Variants in CDH13 observed in about 807,000 individuals in gnomAD.
CDH13 encodes the protein cadherin-13.
CDH13 carries 24 observed loss-of-function variants against 63.8 expected under a neutral mutation model. The ratio of observed to expected loss-of-function variants is 0.38; its 90% CI spans 0.27 to 0.53. The LOEUF (loss-of-function observed/expected upper bound fraction) is 0.53. Among genes scored for constraint, CDH13 ranks in the 20% least tolerant of loss-of-function variants. CDH13 has a pLI of 0.85. For synonymous variants in CDH13, 503 were observed against 355.3 expected, an observed-to-expected ratio of 1.42 and a Z score of -4.67; for missense variants, 1,049 against 903.1, an observed-to-expected ratio of 1.16 and a Z score of -2.07.
At chr16:83,576,729 T>C (rs1905110506) in intron 7 of CDH13, among the ~76,000 whole-genome samples, 1 of 152,236 alleles carries the variant, frequency 6.6e-6, no homozygotes, top group African/African-American at 2.4e-5. Flanking sequence ...TGCCATCTCA[T>C]AGTTTTGACT....
intron 6 of CDH13, among the ~76,000 whole-genome samples, chr16:83,473,398 C>G (rs2073514075): frequency 6.6e-6 from 1 of 152,204 alleles, no homozygotes; most frequent in Admixed American, 6.5e-5. Flanking sequence ...AACACGGAGT[C>G]TGAATTGTGT....
chr16:83,608,656 T>C (rs908725514), intron 8 of CDH13, among the ~76,000 whole-genome samples: 9 of 145,348 alleles, frequency 6.2e-5, no homozygotes, highest in African/African-American at 2.4e-4. Context: ...TGGCTAATTT[T>C]TGTATTTTTT....
At chr16:83,109,980 T>C (rs1008618377) in intron 3 of CDH13, among the ~76,000 whole-genome samples, 3 of 152,238 alleles carry the variant, frequency 2.0e-5, no homozygotes, top group Non-Finnish European at 4.4e-5. Context: ...GAAGTGTGGT[T>C]TGGCAAATTT....
At chr16:83,593,350 C>T in intron 7 of CDH13, among the ~76,000 whole-genome samples, 1 of 152,152 alleles carries the variant, frequency 6.6e-6, no homozygotes, top group East Asian at 1.9e-4. Context: ...ACTCCTAGAG[C>T]AGCATGTGTG....
chr16:82,984,205 T>C (rs1297057884), intron 2 of CDH13, among the ~76,000 whole-genome samples: 2 of 152,236 alleles, frequency 1.3e-5, no homozygotes, highest in East Asian at 3.8e-4. Context: ...TAAAACCTTC[T>C]TTCCCTTGCA....
chr16:82,760,534 T>G (rs2034794949), intron 1 of CDH13, among the ~76,000 whole-genome samples: 11 of 152,172 alleles, frequency 7.2e-5, no homozygotes, highest in Admixed American at 7.2e-4. Flanking sequence ...TTTACAAAAA[T>G]GTACCAGTTA....
intron 2 of CDH13, among the ~76,000 whole-genome samples, chr16:82,866,702 C>G (rs2040160119): frequency 6.6e-6 from 1 of 152,034 alleles, no homozygotes; most frequent in African/African-American, 2.4e-5. Context: ...GTTCAGCATG[C>G]CTGGGGAGGC....
chr16:82,818,245 G>C (rs560212698), intron 1 of CDH13, among the ~76,000 whole-genome samples: 1 of 152,048 alleles, frequency 6.6e-6, no homozygotes, highest in African/African-American at 2.4e-5. Context: ...ACGTAGATGA[G>C]GAATTTGAGT....
intron 1 of CDH13, among the ~76,000 whole-genome samples, chr16:82,743,754 C>G (rs1410139052): frequency 6.6e-6 from 1 of 152,036 alleles, no homozygotes; most frequent in East Asian, 1.9e-4. Flanking sequence ...ACATTCCTGT[C>G]CAGAGATAGT....
chr16:83,599,085 G>A (rs1907538842), intron 7 of CDH13, among the ~76,000 whole-genome samples: 1 of 152,196 alleles, frequency 6.6e-6, no homozygotes, highest in Admixed American at 6.5e-5. Flanking sequence ...TACTGAGGGT[G>A]AGGAAGGGGT....
chr16:82,729,870 G>A (rs1331979957), intron 1 of CDH13, among the ~76,000 whole-genome samples: 1 of 152,166 alleles, frequency 6.6e-6, no homozygotes, highest in Non-Finnish European at 1.5e-5. Flanking sequence ...AAAACTTGTT[G>A]CAACTCTCTA....
chr16:83,782,210 A>AG (rs1915576237), intron 12 of CDH13, among the ~76,000 whole-genome samples: 1 of 152,162 alleles, frequency 6.6e-6, no homozygotes, highest in African/African-American at 2.4e-5. Flanking sequence ...ATTCCCAGAA[A>AG]GGGGCACTTA....
chr16:83,255,888 A>T (rs1567542983), intron 5 of CDH13, among the ~76,000 whole-genome samples: 1 of 152,130 alleles, frequency 6.6e-6, no homozygotes, highest in African/African-American at 2.4e-5. Context: ...TCAGTAAAAT[A>T]CCTAGCACTA....
chr16:82,735,523 C>G (rs1176169847), intron 1 of CDH13, among the ~76,000 whole-genome samples: 1 of 152,204 alleles, frequency 6.6e-6, no homozygotes, highest in Non-Finnish European at 1.5e-5. Flanking sequence ...GTGGGCAAAT[C>G]AAGAAATTGT....
chr16:83,370,728 T>C (rs191594723), intron 6 of CDH13, among the ~76,000 whole-genome samples: 2 of 152,314 alleles, frequency 1.3e-5, no homozygotes, highest in Non-Finnish European at 2.9e-5. Flanking sequence ...TGGCAATTGG[T>C]TTTCCATTTC....
chr16:83,518,271 G>A (rs1304262180), intron 7 of CDH13, among the ~76,000 whole-genome samples: 1 of 151,600 alleles, frequency 6.6e-6, no homozygotes, highest in Non-Finnish European at 1.5e-5. Flanking sequence ...AGCCTCCCAA[G>A]TAGCTGGGAC....
chr16:83,179,481 T>TAAAAAAAAAAAAAAAAAAAAAAAA (rs565547312), intron 4 of CDH13, among the ~76,000 whole-genome samples: 13 of 69,082 alleles, frequency 1.9e-4, no homozygotes, highest in East Asian at 1.4e-3. Context: ...CCGTCTCTAC[T>TAAAAAAAAAAAAAAAAAAAAAAAA]AAAAAAAAAA....
intron 6 of CDH13, among the ~76,000 whole-genome samples, chr16:83,483,738 C>T (rs1038817802): frequency 4.6e-5 from 7 of 152,122 alleles, no homozygotes; most frequent in African/African-American, 9.7e-5. Context: ...TGGGTAAGAT[C>T]GCAGGCCTGA....
At chr16:83,060,520 C>A (rs1333592145) in intron 3 of CDH13, among the ~76,000 whole-genome samples, 1 of 152,126 alleles carries the variant, frequency 6.6e-6, no homozygotes, top group Non-Finnish European at 1.5e-5. Flanking sequence ...TAACTCATGT[C>A]ATATTGCCTA....
Sources: gnomAD v4.1 joint callset for allele counts (sites outside exome capture counted in the v4.1 genomes callset) on GRCh38, gnomAD v4.1.1 for gene constraint, MANE v1.5 for transcripts, NCBI Gene and HGNC (gene_info 2026-07-23, HGNC 2026-07-21) for gene names.